Variants in PRSS53 observed in about 807,000 individuals in gnomAD.
The protein encoded by PRSS53 is EDTP308.
PRSS53 carries 54 observed loss-of-function variants against 62.7 expected under a neutral mutation model. That is an observed-to-expected ratio of 0.86 (90% confidence interval 0.69 to 1.08). The LOEUF (loss-of-function observed/expected upper bound fraction) is 1.08, where lower values mean the gene tolerates loss of function less well. Among genes scored for constraint, PRSS53 ranks in the 50% least tolerant of loss-of-function variants. PRSS53 has a pLI of 0.00. For missense variants in PRSS53, 688 were observed against 728.3 expected (o/e 0.94, Z 0.64); for synonymous variants, 273 against 300.0 (o/e 0.91, Z 0.93).
intron 10 of PRSS53, 52 bp downstream of exon 10, chr16:31,084,067 G>T (rs1026617716): frequency 9.1e-6 from 14 of 1,538,804 alleles, no homozygotes; most frequent in Admixed American, 2.0e-5. Flanking sequence ...TCACTGGAGA[G>T]AGAAGGGTCC....
In PRSS53 at chr16:31,086,494, G is replaced by A. The variant is rs778022944; in HGVS notation, c.509-3C>T. 8.9e-5 allele frequency: 144 copies of A among 1,609,662 alleles called. 6 individuals carry two copies. The highest frequency in any genetic ancestry group is 1.8e-4 in the South Asian group (16 of 90,818). ...CAGATTGCGTAGGGTCCCAGGAGCT[G>A]GTGAAAGAGACGGGGCTGGGGCTAG... is the stretch of plus-strand genomic sequence containing the variant. On this transcript the variant is annotated splice_polypyrimidine_tract_variant and splice_region_variant and intron_variant, in intron 4 of 10. Transcript: ENST00000280606.
exon 10 of PRSS53, chr16:31,084,310 T>TGGG: frequency 6.2e-7 from 1 of 1,612,822 alleles, no homozygotes; most frequent in Non-Finnish European, 8.5e-7. Context: ...CCTCACCTCA[T>TGGG]GCACCAGTGG....
At chr16:31,086,845 C>A (rs559983068) in exon 4 of PRSS53, 8 of 1,611,562 alleles carry the variant, frequency 5.0e-6, no homozygotes, top group South Asian at 2.2e-5. Flanking sequence ...GAGTCCCTCA[C>A]GCTGCAGAGA....
Position 31,088,840 on chromosome 16 carries a change from C to T in PRSS53, c.-31G>A, listed in dbSNP as rs139466151. On this transcript the variant is annotated 5_prime_UTR_variant, in exon 1 of 11. Coordinates refer to ENST00000280606, the Ensembl canonical transcript of PRSS53. Reference sequence around the variant, plus strand: ...CCCGGGCCACTCTGCCACCTGTGCTCCACTCTGAGAGAGGCCACCTGGGTC... The same window carrying T: ...CCCGGGCCACTCTGCCACCTGTGCTTCACTCTGAGAGAGGCCACCTGGGTC... 4.4e-4 allele frequency: 704 copies of T among 1,612,890 alleles called. 9 individuals carry two copies. In the East Asian group the frequency reaches 0.012, roughly 27 times the overall value.
chr16:31,087,121 G>A (rs937187414), intron 3 of PRSS53: 8 of 546,882 alleles, frequency 1.5e-5, no homozygotes, highest in South Asian at 5.2e-5. Context: ...CCTCAGCCTC[G>A]TGAGTAGCTG....
At chr16:31,083,936 A>G (rs1555500405) in intron 10 of PRSS53, 127 bp from the exon 11 acceptor site, 1 of 1,538,810 alleles carries the variant, frequency 6.5e-7, no homozygotes, top group Non-Finnish European at 8.8e-7. Flanking sequence ...CTGAGGCTCA[A>G]AGCGGTTGAG....
At chr16:31,086,513 G>A (rs1567417203) in intron 4 of PRSS53, 22 bp from the exon 5 acceptor site, 2 of 1,599,286 alleles carry the variant, frequency 1.3e-6, no homozygotes, top group Non-Finnish European at 1.7e-6. Flanking sequence ...GACGGGGCTG[G>A]GGCTAGAGTC....
At chr16:31,087,733 T>C (rs1196502081) in intron 2 of PRSS53, 34 bp from the exon 3 acceptor site, 2 of 1,613,996 alleles carry the variant, frequency 1.2e-6, no homozygotes, top group Admixed American at 3.3e-5. Context: ...TGACAGCAGA[T>C]ACCTGTCCTG....
exon 3 of PRSS53, chr16:31,087,607 C>T: frequency 6.2e-7 from 1 of 1,610,922 alleles, no homozygotes; most frequent in Non-Finnish European, 8.5e-7. Flanking sequence ...ATGTGGGCTC[C>T]TTGCCTCCTC....
At chr16:31,085,344 A>G in intron 6 of PRSS53, 84 bp from the exon 7 acceptor site, 3 of 1,417,574 alleles carry the variant, frequency 2.1e-6, no homozygotes, top group Non-Finnish European at 2.8e-6. Context: ...TTTGAAATTG[A>G]ATTTTGTTCC....
At chr16:31,085,992 C>T (rs564160508) in exon 6 of PRSS53, 40 of 1,614,040 alleles carry the variant, frequency 2.5e-5, no homozygotes, top group African/African-American at 1.5e-4. Flanking sequence ...CACTCATCTC[C>T]GGGGTCTCTG....
At chr16:31,085,183 G>T in exon 7 of PRSS53, 1 of 1,609,704 alleles carries the variant, frequency 6.2e-7, no homozygotes, top group Non-Finnish European at 8.5e-7. Context: ...AGCTGTCCCT[G>T]GTGCATCAGC....
At position 31,083,975 on chromosome 16, in the gene PRSS53, A is replaced by G. The variant is rs987658583; in HGVS notation, c.1642+144T>C. ...CCTGCTCCAAGTCACACGATGACAAAGAACCAGAATCTGAATCAAATGGGT... is the reference window on the plus strand; with the variant it reads ...CCTGCTCCAAGTCACACGATGACAAGGAACCAGAATCTGAATCAAATGGGT... On this transcript the variant is annotated intron_variant, in intron 10 of 10. Coordinates refer to ENST00000280606, the Ensembl canonical transcript of PRSS53. 49 of 1,500,954 alleles carry G rather than the reference A, an allele frequency of 3.3e-5. No individual in the cohort carries two copies. The African/African-American group carries it at 6.3e-4, about 19-fold the overall frequency. 93.0% of individuals were successfully genotyped at this position (1,500,954 alleles called of 1,614,324 possible).
intron 1 of PRSS53, chr16:31,088,315 T>C (rs1414721337): frequency 8.9e-7 from 1 of 1,118,202 alleles, no homozygotes; most frequent in East Asian, 6.4e-5. Flanking sequence ...AGAAACTGTC[T>C]GAGAGCCCGC....
chr16:31,087,524 A>C lies in PRSS53; in HGVS notation c.242+13T>G. Reference sequence around the variant, plus strand: ...AGAGCCGGAGACCCTGCCTGACCCCAGCCATGACTTACTTTTCAAAGCAGT... The same window carrying C: ...AGAGCCGGAGACCCTGCCTGACCCCCGCCATGACTTACTTTTCAAAGCAGT... On this transcript the variant is annotated intron_variant, in intron 3 of 10. Transcript: ENST00000280606. 10 of 1,608,112 alleles carry C rather than the reference A, an allele frequency of 6.2e-6. No individual in the cohort carries two copies. Among genetic ancestry groups the C allele is most frequent in the Non-Finnish European group, 8.5e-6 (10 of 1,175,596 alleles).
At chr16:31,086,162 G>A in exon 6 of PRSS53, 2 of 1,611,746 alleles carry the variant, frequency 1.2e-6, no homozygotes, top group Middle Eastern at 2.0e-4. Flanking sequence ...TCGAGGCACA[G>A]CACAGGGCCC....
exon 5 of PRSS53, chr16:31,086,394 C>T (rs752254477): frequency 3.8e-5 from 61 of 1,613,942 alleles, no homozygotes; most frequent in Non-Finnish European, 4.7e-5. Flanking sequence ...CAGGCCGGGC[C>T]GGGTTGGACA....
intron 1 of PRSS53, 142 bp downstream of exon 1, chr16:31,088,610 C>T: frequency 6.7e-7 from 1 of 1,489,502 alleles, no homozygotes; most frequent in Non-Finnish European, 8.9e-7. Flanking sequence ...TACCACCCCA[C>T]AGAGTCCTAC....
chr16:31,085,883 A>T, intron 6 of PRSS53, 81 bp downstream of exon 6: 1 of 1,303,628 alleles, frequency 7.7e-7, no homozygotes, highest in Non-Finnish European at 1.1e-6. Flanking sequence ...GGCGGTGTGG[A>T]TGCCTATGCC....
Sources: gnomAD v4.1 joint callset for allele counts on GRCh38, gnomAD v4.1.1 for gene constraint, MANE v1.5 for transcripts, NCBI Gene and HGNC (gene_info 2026-07-23, HGNC 2026-07-21) for gene names.